Variants in METTL15 observed in about 807,000 individuals in gnomAD.
METTL15 encodes the protein 12S rRNA N(4)-cytidine methyltransferase METTL15.
METTL15 carries 34 observed loss-of-function variants against 38.3 expected under a neutral mutation model. The observed-to-expected ratio is 0.89, with a 90% CI of 0.68 to 1.18. The LOEUF is 1.18. METTL15 is among the 50% of genes most tolerant of loss of function. The pLI, the probability that METTL15 is intolerant of heterozygous loss-of-function variation, is 0.00. For missense variants in METTL15, 438 were observed against 498.4 expected, an observed-to-expected ratio of 0.88 and a Z score of 1.15; for synonymous variants, 162 against 170.9, an observed-to-expected ratio of 0.95 and a Z score of 0.41.
chr11:28,433,670 A>G (rs927538472), intron 6 of METTL15, among the ~76,000 whole-genome samples: 8 of 152,182 alleles, frequency 5.3e-5, no homozygotes, highest in African/African-American at 1.9e-4. Flanking sequence ...TTGGTTCTTC[A>G]TGGAGCTTAG....
chr11:28,156,436 A>G (rs967718444), intron 3 of METTL15, among the ~76,000 whole-genome samples: 11 of 152,230 alleles, frequency 7.2e-5, no homozygotes, highest in Admixed American at 4.6e-4. Context: ...TCAAAATGCC[A>G]TAATTGTTCC....
intron 4 of METTL15, among the ~76,000 whole-genome samples, chr11:28,268,843 G>T (rs948496076): frequency 1.3e-5 from 2 of 152,058 alleles, no homozygotes; most frequent in Non-Finnish European, 2.9e-5. Flanking sequence ...TTGTCTTGGG[G>T]TATGTAAATA....
chr11:28,208,382 AG>A (rs1384612080), intron 3 of METTL15, among the ~76,000 whole-genome samples: 1 of 152,148 alleles, frequency 6.6e-6, no homozygotes, highest in Non-Finnish European at 1.5e-5. Context: ...ATAGTCATTC[AG>A]GGGCAGGTTG....
downstream of METTL15, among the ~76,000 whole-genome samples, chr11:28,334,640 G>C (rs1849884520): frequency 6.6e-6 from 1 of 152,074 alleles, no homozygotes; most frequent in Admixed American, 6.6e-5. Context: ...AGGCTGGGTT[G>C]TATAACAAAC....
At chr11:28,447,452 A>G (rs545295480) in intron 6 of METTL15, among the ~76,000 whole-genome samples, 34 of 152,300 alleles carry the variant, frequency 2.2e-4, no homozygotes, top group African/African-American at 8.2e-4. Context: ...ATTTGTTACT[A>G]ATTCATCACT....
intron 3 of METTL15, among the ~76,000 whole-genome samples, chr11:28,160,305 T>C (rs1374836077): frequency 6.6e-6 from 1 of 152,068 alleles, no homozygotes. Context: ...GTTAGTTCTG[T>C]TCCTTTAGAG....
intron 5 of METTL15, among the ~76,000 whole-genome samples, chr11:28,375,768 A>G (rs1180746009): frequency 2.0e-5 from 3 of 151,744 alleles, no homozygotes; most frequent in Admixed American, 1.3e-4. Context: ...TAGGGTGTCA[A>G]TTTTGGATCT....
chr11:28,484,171 T>A (rs932865475), intron 6 of METTL15, among the ~76,000 whole-genome samples: 2 of 152,176 alleles, frequency 1.3e-5, no homozygotes, highest in Non-Finnish European at 2.9e-5. Flanking sequence ...TTATTCTAGG[T>A]TCTTTACTTT....
chr11:28,150,641 A>AC (rs33996245), intron 3 of METTL15, among the ~76,000 whole-genome samples: 6 of 151,334 alleles, frequency 4.0e-5, no homozygotes, highest in African/African-American at 7.3e-5. Flanking sequence ...TAGAAAAAAA[A>AC]CCCCTAAAAT....
chr11:28,357,834 C>T (rs1040806396), intron 4 of METTL15, among the ~76,000 whole-genome samples: 3 of 152,038 alleles, frequency 2.0e-5, no homozygotes, highest in African/African-American at 7.2e-5. Flanking sequence ...CTCTCCAAGG[C>T]TCTGATCATT....
At chr11:28,360,853 C>T (rs71480184) in intron 4 of METTL15, among the ~76,000 whole-genome samples, 54,339 of 137,722 alleles carry the variant, frequency 0.39, 12,077 homozygotes, top group Admixed American at 0.51. Flanking sequence ...GTTCCCCTTC[C>T]TGTGTCCATG....
intron 5 of METTL15, among the ~76,000 whole-genome samples, chr11:28,379,521 G>T (rs1850358767): frequency 6.6e-6 from 1 of 152,066 alleles, no homozygotes; most frequent in African/African-American, 2.4e-5. Context: ...TAGTTTCCAA[G>T]ATTCTTCTTA....
At chr11:28,518,841 A>G (rs1346542575) in intron 6 of METTL15, among the ~76,000 whole-genome samples, 2 of 152,144 alleles carry the variant, frequency 1.3e-5, no homozygotes, top group Non-Finnish European at 2.9e-5. Flanking sequence ...AGTAATGAAT[A>G]TTGTAAGGGT....
At chr11:28,240,693 A>G (rs1854255682) in intron 4 of METTL15, among the ~76,000 whole-genome samples, 1 of 152,138 alleles carries the variant, frequency 6.6e-6, no homozygotes, top group Admixed American at 6.5e-5. Flanking sequence ...TGTATTGGCA[A>G]TCTTTTAATT....
chr11:28,492,830 G>A (rs1245455558), intron 6 of METTL15, among the ~76,000 whole-genome samples: 1 of 152,120 alleles, frequency 6.6e-6, no homozygotes, highest in African/African-American at 2.4e-5. Context: ...CTCAGGAAAT[G>A]ATAGTTGAAG....
intron 4 of METTL15, among the ~76,000 whole-genome samples, chr11:28,284,647 G>A (rs995849578): frequency 6.6e-6 from 1 of 152,170 alleles, no homozygotes; most frequent in African/African-American, 2.4e-5. Context: ...AAGGGATTTA[G>A]GCAATGTAAG....
chr11:28,313,323 A>G (rs1453698716), intron 6 of METTL15, among the ~76,000 whole-genome samples: 2 of 152,124 alleles, frequency 1.3e-5, no homozygotes, highest in Non-Finnish European at 1.5e-5. Flanking sequence ...GATAAAATCT[A>G]CATCACAAAC....
At chr11:28,411,311 G>C (rs1254967237) in intron 5 of METTL15, among the ~76,000 whole-genome samples, 2 of 151,824 alleles carry the variant, frequency 1.3e-5, no homozygotes, top group Non-Finnish European at 2.9e-5. Flanking sequence ...AAAGTTGGAG[G>C]CATCACATCT....
rs142309216 is a variant in METTL15 at position 28,524,574 on chromosome 11, C to T, written c.*425-1904C>T. On this transcript the variant is annotated intron_variant and NMD_transcript_variant, in intron 6 of 7. Coordinates refer to the METTL15 transcript ENST00000532947. Reference sequence around the variant, plus strand: ...CTTTGTTAGAGCATTAGTATTGCCTCGATGAGTAATTACTTAGTGTGAAGG... The same window carrying T: ...CTTTGTTAGAGCATTAGTATTGCCTTGATGAGTAATTACTTAGTGTGAAGG... Among the ~76,000 whole-genome samples the T allele has an allele frequency of 5.4e-3, 825 of 152,202 alleles. 7 individuals are homozygous for T. Among genetic ancestry groups the T allele is most frequent in the African/African-American group, 0.017 (702 of 41,512 alleles).
Sources: gnomAD v4.1 joint callset for allele counts (sites outside exome capture counted in the v4.1 genomes callset) on GRCh38, gnomAD v4.1.1 for gene constraint, MANE v1.5 for transcripts, NCBI Gene and HGNC (gene_info 2026-07-23, HGNC 2026-07-21) for gene names.